Variants in GULP1 observed in about 807,000 individuals in gnomAD.
GULP1 encodes the protein PTB domain-containing engulfment adapter protein 1.
A neutral mutation model predicts 40.9 loss-of-function variants in GULP1; 19 were observed. The observed-to-expected ratio is 0.46, with a 90% CI of 0.32 to 0.68. The LOEUF is 0.68. Ranked by LOEUF, GULP1 falls within the 30% of genes least tolerant of loss-of-function variation. GULP1 has a pLI of 0.03. For missense variants in GULP1, 312 were observed against 362.2 expected, an observed-to-expected ratio of 0.86 and a Z score of 1.12; for synonymous variants, 119 against 117.6, an observed-to-expected ratio of 1.01 and a Z score of -0.08.
chr2:188,391,596 A>G (rs1282389567), intron 2 of GULP1, among the ~76,000 whole-genome samples: 2 of 151,904 alleles, frequency 1.3e-5, no homozygotes, highest in African/African-American at 4.8e-5. Context: ...TTGGATGCCC[A>G]TTATTTGTTT....
chr2:188,293,352 C>T (rs186894393), intron 1 of GULP1, among the ~76,000 whole-genome samples: 87 of 152,262 alleles, frequency 5.7e-4, no homozygotes, highest in African/African-American at 2.0e-3. Context: ...TTATTTTGTG[C>T]CTGCTTTTAA....
chr2:188,332,594 A>G (rs1047828272), intron 1 of GULP1, among the ~76,000 whole-genome samples: 1 of 152,160 alleles, frequency 6.6e-6, no homozygotes, highest in Non-Finnish European at 1.5e-5. Context: ...GGGAAGAAAA[A>G]GTGGCATAAA....
chr2:188,366,251 C>A (rs1380848532), intron 1 of GULP1, among the ~76,000 whole-genome samples: 1 of 152,034 alleles, frequency 6.6e-6, no homozygotes, highest in African/African-American at 2.4e-5. Flanking sequence ...GCAAAGCCCC[C>A]AAACACCCCA....
chr2:188,475,953 A>G (rs745731179), intron 2 of GULP1, among the ~76,000 whole-genome samples: 1 of 152,156 alleles, frequency 6.6e-6, no homozygotes, highest in East Asian at 1.9e-4. Context: ...TGTGTGGGAG[A>G]TAAACAGCCA....
At chr2:188,306,691 T>C (rs1293635543) in intron 1 of GULP1, among the ~76,000 whole-genome samples, 5 of 152,190 alleles carry the variant, frequency 3.3e-5, no homozygotes, top group Non-Finnish European at 7.3e-5. Context: ...CAGGGAGTCA[T>C]CTGGTCAGAC....
At chr2:188,397,994 GAA>G (rs1354834246) in intron 2 of GULP1, among the ~76,000 whole-genome samples, 1 of 152,092 alleles carries the variant, frequency 6.6e-6, no homozygotes, top group East Asian at 1.9e-4. Flanking sequence ...GCATTACTTG[GAA>G]AAAGAGTCTA....
chr2:188,414,911 T>A (rs2054384295), intron 2 of GULP1, among the ~76,000 whole-genome samples: 1 of 152,178 alleles, frequency 6.6e-6, no homozygotes, highest in African/African-American at 2.4e-5. Flanking sequence ...TAACAGTGAA[T>A]AGGTGGTGTC....
At chr2:188,580,233 C>G (rs1222280136) in intron 9 of GULP1, among the ~76,000 whole-genome samples, 1 of 152,204 alleles carries the variant, frequency 6.6e-6, no homozygotes, top group Non-Finnish European at 1.5e-5. Context: ...ATACACATCT[C>G]TACATAAATA....
chr2:188,498,154 G>C (rs1031870244), intron 4 of GULP1, among the ~76,000 whole-genome samples: 1 of 151,876 alleles, frequency 6.6e-6, no homozygotes, highest in African/African-American at 2.4e-5. Context: ...ATAATCAGAG[G>C]TAACAGTATA....
At chr2:188,532,949 G>A (rs1294452544) in intron 6 of GULP1, among the ~76,000 whole-genome samples, 1 of 151,954 alleles carries the variant, frequency 6.6e-6, no homozygotes, top group Non-Finnish European at 1.5e-5. Flanking sequence ...AAAGATATGT[G>A]AAAAGCTCTT....
At chr2:188,543,818 A>C (rs1691192035) in intron 7 of GULP1, among the ~76,000 whole-genome samples, 1 of 152,176 alleles carries the variant, frequency 6.6e-6, no homozygotes, top group African/African-American at 2.4e-5. Context: ...TCTAGAGTTC[A>C]TCTGCTCTTA....
At chr2:188,506,315 A>T (rs532311725) in intron 4 of GULP1, among the ~76,000 whole-genome samples, 1 of 151,902 alleles carries the variant, frequency 6.6e-6, no homozygotes, top group Non-Finnish European at 1.5e-5. Context: ...AATGATAAAT[A>T]TATTTTCCTA....
At chr2:188,544,737 A>C (rs1338897875) in intron 7 of GULP1, among the ~76,000 whole-genome samples, 4 of 152,000 alleles carry the variant, frequency 2.6e-5, no homozygotes, top group African/African-American at 9.7e-5. Context: ...AACCTCATGG[A>C]CTGTGGGACC....
Position 188,569,267 on chromosome 2 carries a change from A to T in GULP1, c.428A>T (p.Gln143Leu). The T allele has an allele frequency of 6.3e-7, 1 of 1,590,916 alleles. No homozygotes were observed. The highest frequency in any genetic ancestry group is 8.6e-7 in the Non-Finnish European group (1 of 1,159,028). ...CAEEITLTIG[Q>L]AFDLAYRKFL... ...GAAGAGATCACTTTAACAATTGGCC[A>T]AGCATTTGACCTGGCATACAGGAAA... Residue 143 changes from glutamine (Q) to leucine (L), a missense_variant, in exon 8 of 12, where the codon CAA (glutamine) becomes CTA (leucine). By Grantham distance (113) the Gln-to-Leu change is moderately radical. Coordinates refer to ENST00000409830, the MANE Select transcript of GULP1 (RefSeq NM_016315.4).
At chr2:188,333,781 G>A (rs544601168) in intron 1 of GULP1, among the ~76,000 whole-genome samples, 2 of 152,244 alleles carry the variant, frequency 1.3e-5, no homozygotes, top group South Asian at 4.1e-4. Flanking sequence ...TCAAGCCTGT[G>A]AACAGCAGTT....
chr2:188,493,717 C>T (rs770391662), intron 4 of GULP1, among the ~76,000 whole-genome samples: 4 of 152,000 alleles, frequency 2.6e-5, no homozygotes, highest in African/African-American at 4.8e-5. Context: ...TGTTGGTTTC[C>T]GGTGACACTA....
intron 2 of GULP1, among the ~76,000 whole-genome samples, chr2:188,475,901 A>G (rs756958177): frequency 6.6e-6 from 1 of 152,138 alleles, no homozygotes; most frequent in Non-Finnish European, 1.5e-5. Flanking sequence ...AGAGAAGTAC[A>G]GTAATTGAAA....
chr2:188,495,333 T>C (rs2062800572), intron 4 of GULP1, among the ~76,000 whole-genome samples: 2 of 152,050 alleles, frequency 1.3e-5, no homozygotes, highest in South Asian at 4.1e-4. Context: ...CCCAACCCCA[T>C]CACCCTACTT....
intron 1 of GULP1, among the ~76,000 whole-genome samples, chr2:188,295,034 G>A (rs561109112): frequency 6.6e-5 from 10 of 152,174 alleles, no homozygotes; most frequent in Non-Finnish European, 1.3e-4. Context: ...TTATGGTTAA[G>A]GCTGAGTCAT....
Sources: gnomAD v4.1 joint callset for allele counts (sites outside exome capture counted in the v4.1 genomes callset) on GRCh38, gnomAD v4.1.1 for gene constraint, MANE v1.5 for transcripts, NCBI Gene and HGNC (gene_info 2026-07-23, HGNC 2026-07-21) for gene names.